CAMKMT: variants seen among roughly 807,000 people sequenced by gnomAD.
CAMKMT encodes CaM KMT.
A neutral mutation model predicts 48.0 loss-of-function variants in CAMKMT; 53 were observed. The observed-to-expected ratio is 1.10, with a 90% CI of 0.89 to 1.39. The LOEUF (loss-of-function observed/expected upper bound fraction) is 1.39. Ranked by LOEUF, CAMKMT falls within the 40% of genes most tolerant of loss-of-function variation. The probability of loss-of-function intolerance (pLI) is 0.00; values close to 1 mark genes in which losing one functional copy is unlikely to be tolerated. For missense variants in CAMKMT, 428 were observed against 402.7 expected, an observed-to-expected ratio of 1.06 and a Z score of -0.54; for synonymous variants, 165 against 152.3, an observed-to-expected ratio of 1.08 and a Z score of -0.61.
intron 3 of CAMKMT, among the ~76,000 whole-genome samples, chr2:44,592,739 G>A (rs1056830555): frequency 3.3e-5 from 5 of 152,258 alleles, no homozygotes; most frequent in African/African-American, 1.2e-4. Context: ...ACCTTGGCTT[G>A]TATCCCCCAA....
intron 3 of CAMKMT, among the ~76,000 whole-genome samples, chr2:44,417,803 G>A (rs980847554): frequency 6.6e-6 from 1 of 152,164 alleles, no homozygotes; most frequent in Non-Finnish European, 1.5e-5. Context: ...TGACGATGAC[G>A]TTGAACATCT....
chr2:44,497,857 C>T (rs1669830190), intron 3 of CAMKMT, among the ~76,000 whole-genome samples: 1 of 151,952 alleles, frequency 6.6e-6, no homozygotes, highest in Non-Finnish European at 1.5e-5. Context: ...TGCCGGGCAT[C>T]GGGGCAGGGT....
chr2:44,753,975 A>T, intron 8 of CAMKMT, 80 bp from the exon 9 acceptor site: 2 of 943,646 alleles, frequency 2.1e-6, no homozygotes, highest in Non-Finnish European at 3.3e-6. Context: ...ATGTGTAATT[A>T]GCCTTGTACT....
At chr2:44,718,044 A>T (rs1216889935) in intron 7 of CAMKMT, among the ~76,000 whole-genome samples, 1 of 152,114 alleles carries the variant, frequency 6.6e-6, no homozygotes, top group Admixed American at 6.5e-5. Context: ...GAATTCTATT[A>T]TACCTTACTT....
chr2:44,666,610 A>ATTTTTTTTTTTTTTTT (rs1674984437), intron 3 of CAMKMT, among the ~76,000 whole-genome samples: 4 of 140,510 alleles, frequency 2.8e-5, no homozygotes, highest in African/African-American at 1.2e-4. Context: ...GGCTCCTGGA[A>ATTTTTTTTTTTTTTTT]TCTTTTTTTT....
At chr2:44,529,887 C>T (rs1286916924) in intron 3 of CAMKMT, among the ~76,000 whole-genome samples, 1 of 152,138 alleles carries the variant, frequency 6.6e-6, no homozygotes, top group Non-Finnish European at 1.5e-5. Context: ...CAGTAGTGAT[C>T]TAGAAATTAA....
At chr2:44,712,394 A>C (rs1303113678) in intron 6 of CAMKMT, among the ~76,000 whole-genome samples, 1 of 152,074 alleles carries the variant, frequency 6.6e-6, no homozygotes, top group African/African-American at 2.4e-5. Flanking sequence ...TTGCAGGAGG[A>C]GGCTGATATT....
At chr2:44,517,179 T>C (rs1482761005) in intron 3 of CAMKMT, among the ~76,000 whole-genome samples, 1 of 152,210 alleles carries the variant, frequency 6.6e-6, no homozygotes, top group African/African-American at 2.4e-5. Context: ...CACATTCTTT[T>C]AATAGCTAAA....
At chr2:44,659,005 C>T (rs72792395) in intron 3 of CAMKMT, among the ~76,000 whole-genome samples, 21,192 of 151,388 alleles carry the variant, frequency 0.14, 1,734 homozygotes, top group Admixed American at 0.21. Context: ...TCTTTCATCC[C>T]ATGTTGTTAG....
At chr2:44,763,032 C>T (rs1220362280) in intron 9 of CAMKMT, among the ~76,000 whole-genome samples, 7 of 152,172 alleles carry the variant, frequency 4.6e-5, no homozygotes, top group Admixed American at 4.6e-4. Flanking sequence ...AAGCATATCC[C>T]TCTGATGGTA....
At chr2:44,573,224 G>A (rs537466171) in intron 3 of CAMKMT, among the ~76,000 whole-genome samples, 21 of 152,150 alleles carry the variant, frequency 1.4e-4, no homozygotes, top group African/African-American at 4.3e-4. Flanking sequence ...TTGGCCATCT[G>A]TATATTTTCT....
At chr2:44,447,761 C>T (rs969980562) in intron 3 of CAMKMT, among the ~76,000 whole-genome samples, 2 of 152,202 alleles carry the variant, frequency 1.3e-5, no homozygotes, top group African/African-American at 4.8e-5. Context: ...TATAATCCTT[C>T]TGTAGGTAGG....
At chr2:44,718,817 C>T (rs1266307105) in intron 7 of CAMKMT, among the ~76,000 whole-genome samples, 8 of 152,098 alleles carry the variant, frequency 5.3e-5, no homozygotes, top group Non-Finnish European at 1.0e-4. Context: ...GGTTTATGAC[C>T]TTTATTATTC....
rs1208233022 is a variant in CAMKMT at position 44,367,541 on chromosome 2, A to G, written c.139-5175A>G. 3.9e-5 allele frequency among the ~76,000 whole-genome samples: 6 copies of G among 152,208 alleles called. No homozygotes were observed. In the East Asian group the frequency reaches 1.2e-3, roughly 29 times the overall value. On this transcript the variant is annotated intron_variant, in intron 1 of 10. Coordinates refer to ENST00000378494, the MANE Select transcript of CAMKMT (RefSeq NM_024766.5). ...CAAGCCTTCTCTTTATGTTTTGCAA[A>G]TATTCCCAAATCCAAACAAATCCAA... is the stretch of plus-strand genomic sequence containing the variant.
chr2:44,426,715 G>C (rs143416571), intron 3 of CAMKMT, among the ~76,000 whole-genome samples: 3,379 of 152,220 alleles, frequency 0.022, 107 homozygotes, highest in African/African-American at 0.077. Context: ...TCATGTACTG[G>C]AAGAATCGAT....
intron 2 of CAMKMT, among the ~76,000 whole-genome samples, chr2:44,380,278 G>A (rs1055869225): frequency 6.6e-6 from 1 of 152,034 alleles, no homozygotes; most frequent in Non-Finnish European, 1.5e-5. Flanking sequence ...TCTGGCCATT[G>A]TTAATGGTTT....
At chr2:44,721,006 G>A (rs901241535) in intron 7 of CAMKMT, among the ~76,000 whole-genome samples, 1 of 152,054 alleles carries the variant, frequency 6.6e-6, no homozygotes, top group Admixed American at 6.6e-5. Context: ...TATAGTAAGC[G>A]TTTAGTCACC....
intron 3 of CAMKMT, among the ~76,000 whole-genome samples, chr2:44,671,113 G>A (rs1463500170): frequency 6.6e-6 from 1 of 152,182 alleles, no homozygotes; most frequent in African/African-American, 2.4e-5. Flanking sequence ...TGACTTTGTA[G>A]TCTCCTTTAG....
chr2:44,479,002 G>C (rs1668834785), intron 3 of CAMKMT, among the ~76,000 whole-genome samples: 1 of 152,062 alleles, frequency 6.6e-6, no homozygotes, highest in Non-Finnish European at 1.5e-5. Context: ...CCCGGCAATT[G>C]CTTTTCTTTT....
Sources: gnomAD v4.1 joint callset for allele counts (sites outside exome capture counted in the v4.1 genomes callset) on GRCh38, gnomAD v4.1.1 for gene constraint, MANE v1.5 for transcripts, NCBI Gene and HGNC (gene_info 2026-07-23, HGNC 2026-07-21) for gene names.